SCN8A: variants seen among roughly 807,000 people sequenced by gnomAD.
SCN8A encodes sodium channel protein type 8 subunit alpha.
SCN8A carries 30 observed loss-of-function variants against 184.1 expected under a neutral mutation model. That is an observed-to-expected ratio of 0.16 (90% CI 0.12 to 0.22). The LOEUF (loss-of-function observed/expected upper bound fraction) is 0.22. SCN8A is among the 10% of genes least tolerant of loss of function. The pLI is 1.00. For synonymous variants in SCN8A, 852 were observed against 907.0 expected (o/e 0.94, Z 1.09); for missense variants, 1,057 against 2,498.9 (o/e 0.42, Z 12.30).
At position 51,780,116 on chromosome 12, in the gene SCN8A, TC is replaced by T; in HGVS notation, c.3820-530del. On this transcript the variant is annotated intron_variant, in intron 20 of 26. Transcript: ENST00000627620. The stretch of plus-strand genomic sequence containing the variant: ...TGTCAACCAGGAGTAAAAGAGCTTG[TC>T]CCTCTTGGAAAGCCAATGGTGAATG... 5.3e-6 allele frequency: 2 copies of T among 375,950 alleles called. 1 individual carries two copies. Among genetic ancestry groups the T allele is most frequent in the South Asian group, 3.8e-5 (2 of 52,008 alleles). The allele number at this position is 375,950 out of a possible 1,614,324, so 23.3% of individuals were successfully genotyped here.
intron 13 of SCN8A, 130 bp downstream of exon 13, chr12:51,746,165 C>T (rs1378040708): frequency 6.1e-6 from 5 of 813,972 alleles, no homozygotes; most frequent in Non-Finnish European, 9.1e-6. Flanking sequence ...GAACGTATTC[C>T]TATATAGAAA....
intron 1 of SCN8A, among the ~76,000 whole-genome samples, chr12:51,608,186 A>G (rs1473999743): frequency 2.0e-5 from 3 of 151,670 alleles, no homozygotes; most frequent in Admixed American, 2.0e-4. Flanking sequence ...GTGCCCGGCT[A>G]ATTTTTTTTG....
rs753184201 is a variant in SCN8A, at chr12:51,699,798, G to A, written c.928+7G>A. ...GAGTATATCAACAATAAAAGTAGGT[G>A]GCCTCTTCTCTGCAAGAGGAATAGG... On this transcript the variant is annotated splice_region_variant and intron_variant, in intron 7 of 26. Coordinates refer to ENST00000627620, the MANE Select transcript of SCN8A (RefSeq NM_001330260.2). 1.1e-5 allele frequency: 17 copies of A among 1,605,376 alleles called. No homozygotes were observed. The South Asian group carries it at 1.8e-4, about 17-fold the overall frequency.
In SCN8A at chr12:51,810,144, C is replaced by A; in HGVS notation, c.*2715C>A. The A allele has an allele frequency of 4.9e-6, 1 of 203,770 alleles. No individual in the cohort carries two copies. Among genetic ancestry groups the A allele is most frequent in the Non-Finnish European group, 1.0e-5 (1 of 96,900 alleles). The allele number at this position is 203,770 out of a possible 1,614,324, so 12.6% of individuals were successfully genotyped here. On this transcript the variant is annotated 3_prime_UTR_variant, in exon 27 of 27. Coordinates refer to ENST00000627620, the MANE Select transcript of SCN8A (RefSeq NM_001330260.2). The stretch of plus-strand genomic sequence containing the variant: ...CGTTTCCCTCCGCTAGCTCCTGACC[C>A]CAGCCCAGCAGGCTGTCTCCTCAGT...
intron 12 of SCN8A, among the ~76,000 whole-genome samples, chr12:51,729,788 T>C (rs1942211861): frequency 6.6e-6 from 1 of 152,214 alleles, no homozygotes; most frequent in African/African-American, 2.4e-5. Flanking sequence ...CCACCAACAA[T>C]GTATTAGGGT....
chr12:51,624,330 T>C (rs1417679293), intron 1 of SCN8A, among the ~76,000 whole-genome samples: 1 of 152,274 alleles, frequency 6.6e-6, no homozygotes, highest in African/African-American at 2.4e-5. Flanking sequence ...GGTATCTCAC[T>C]GTGGTTTTGA....
At chr12:51,761,856 T>G (rs1379812200) in intron 14 of SCN8A, among the ~76,000 whole-genome samples, 9 of 152,020 alleles carry the variant, frequency 5.9e-5, no homozygotes, top group Admixed American at 5.9e-4. Flanking sequence ...ATGGATAGAC[T>G]TAATGATAAG....
chr12:51,742,294 T>C (rs1330538291), intron 12 of SCN8A, among the ~76,000 whole-genome samples: 1 of 152,226 alleles, frequency 6.6e-6, no homozygotes, highest in Admixed American at 6.5e-5. Flanking sequence ...GAGTTTTGTA[T>C]CTTCAGATGA....
Position 51,752,042 on chromosome 12 carries a change from G to T in SCN8A, c.2370+449G>T, listed in dbSNP as rs150144323. 5.6e-3 allele frequency among the ~76,000 whole-genome samples: 849 copies of T among 152,138 alleles called. 6 individuals are homozygous for T. The highest frequency in any genetic ancestry group is 0.02 in the African/African-American group (815 of 41,468). ...ACTATGGATTTGCCTGCTCTGTCAG[G>T]CCTTAATTACCTAAATGGGGACTAT... On this transcript the variant is annotated intron_variant, in intron 14 of 26. Transcript: ENST00000627620.
At chr12:51,776,177 A>G (rs1157194931) in intron 20 of SCN8A, among the ~76,000 whole-genome samples, 1 of 152,126 alleles carries the variant, frequency 6.6e-6, no homozygotes, top group African/African-American at 2.4e-5. Flanking sequence ...TTGGGTAGAG[A>G]TGGAGTTTCA....
chr12:51,650,402 G>T (rs1488106873), intron 1 of SCN8A, among the ~76,000 whole-genome samples: 1 of 151,910 alleles, frequency 6.6e-6, no homozygotes, highest in Non-Finnish European at 1.5e-5. Context: ...TCATGCTGCT[G>T]ATAAAGACAT....
intron 20 of SCN8A, among the ~76,000 whole-genome samples, chr12:51,779,937 G>T (rs1209281897): frequency 6.6e-6 from 1 of 152,196 alleles, no homozygotes; most frequent in African/African-American, 2.4e-5. Context: ...GTGAGAGATA[G>T]AAGGATGTAT....
chr12:51,770,626 G>A lies in SCN8A; in HGVS notation c.3588G>A (p.Glu1196=). The change falls in exon 19 of 27, where the codon GAG becomes GAA. Residue 1196 remains glutamate, a synonymous_variant. Coordinates refer to ENST00000627620, the MANE Select transcript of SCN8A (RefSeq NM_001330260.2). The part of the protein sequence containing the change: ...ILRKTCFLIV[E]HNWFETFIIF... The stretch of plus-strand genomic sequence containing the variant: ...GGAAAACCTGCTTCCTCATCGTGGA[G>A]CACAACTGGTTTGAGACCTTCATCA... 6.2e-7 allele frequency: 1 copy of A among 1,614,198 alleles called. No individual in the cohort carries two copies. Among genetic ancestry groups the A allele is most frequent in the Non-Finnish European group, 8.5e-7 (1 of 1,180,022 alleles).
chr12:51,773,297 T>TC (rs1305753100), intron 19 of SCN8A, among the ~76,000 whole-genome samples: 1 of 152,154 alleles, frequency 6.6e-6, no homozygotes, highest in African/African-American at 2.4e-5. Flanking sequence ...AGCAATTCCC[T>TC]CCTCTTGGCA....
At chr12:51,729,500 A>G (rs1419876232) in intron 12 of SCN8A, among the ~76,000 whole-genome samples, 1 of 152,156 alleles carries the variant, frequency 6.6e-6, no homozygotes, top group African/African-American at 2.4e-5. Context: ...CCAGTAGTTC[A>G]TTCCTTGTTA....
At chr12:51,677,779 G>A (rs1047567111) in intron 2 of SCN8A, among the ~76,000 whole-genome samples, 9 of 152,150 alleles carry the variant, frequency 5.9e-5, no homozygotes, top group South Asian at 2.1e-4. Flanking sequence ...CTGTTCTGCC[G>A]CTCTTAATGG....
intron 1 of SCN8A, among the ~76,000 whole-genome samples, chr12:51,629,763 G>GA (rs1940159344): frequency 6.6e-6 from 1 of 152,094 alleles, no homozygotes; most frequent in Admixed American, 6.6e-5. Context: ...ATACTCTTGG[G>GA]AGAGGGCTAA....
At chr12:51,619,587 A>C (rs900489995) in intron 1 of SCN8A, among the ~76,000 whole-genome samples, 5 of 152,178 alleles carry the variant, frequency 3.3e-5, no homozygotes, top group Admixed American at 6.5e-5. Context: ...ATATAATCTT[A>C]AATCTTTATT....
At chr12:51,696,850 G>A (rs1020124362) in intron 6 of SCN8A, among the ~76,000 whole-genome samples, 2 of 151,746 alleles carry the variant, frequency 1.3e-5, no homozygotes, top group African/African-American at 2.4e-5. Context: ...GGCCAATATA[G>A]TGAAACCCCA....
Sources: allele counts gnomAD v4.1 joint callset (sites outside exome capture counted in the v4.1 genomes callset), GRCh38; gene constraint gnomAD v4.1.1; transcripts MANE v1.5; gene names NCBI Gene and HGNC (gene_info 2026-07-23, HGNC 2026-07-21).